AKT3: variants seen among roughly 807,000 people sequenced by gnomAD.
The protein encoded by AKT3 is RAC-gamma serine/threonine-protein kinase.
A neutral mutation model predicts 65.3 loss-of-function variants in AKT3; 15 were observed. That is an observed-to-expected ratio of 0.23 (90% CI 0.15 to 0.35). The LOEUF is 0.35. AKT3 is among the 10% of genes least tolerant of loss of function. The pLI is 1.00. For synonymous variants in AKT3, 206 were observed against 183.8 expected (o/e 1.12, Z -0.98); for missense variants, 243 against 576.5 (o/e 0.42, Z 5.92).
At chr1:243,576,579 TACA>T (rs1371005445) in intron 8 of AKT3, among the ~76,000 whole-genome samples, 17 of 152,226 alleles carry the variant, frequency 1.1e-4, no homozygotes, top group Admixed American at 3.9e-4. Flanking sequence ...AGCATTCCTA[TACA>T]ACAACAACAG....
intron 2 of AKT3, among the ~76,000 whole-genome samples, chr1:243,703,780 A>G (rs1413397722): frequency 6.7e-6 from 1 of 149,870 alleles, no homozygotes; most frequent in African/African-American, 2.4e-5. Context: ...AAAAAAAAAG[A>G]AAAAGAAAAA....
intron 8 of AKT3, among the ~76,000 whole-genome samples, chr1:243,585,854 C>T (rs1048530422): frequency 1.3e-5 from 2 of 152,008 alleles, no homozygotes; most frequent in East Asian, 1.9e-4. Flanking sequence ...ACTAAGTCCT[C>T]GATAGCAATT....
intron 8 of AKT3, among the ~76,000 whole-genome samples, chr1:243,574,040 CACAAT>C (rs1347203515): frequency 6.6e-6 from 1 of 152,054 alleles, no homozygotes; most frequent in Non-Finnish European, 1.5e-5. Flanking sequence ...TTAATAGATA[CACAAT>C]ACATGTCTGT....
chr1:243,798,406 T>TTG (rs1692174163), intron 2 of AKT3, among the ~76,000 whole-genome samples: 1 of 136,336 alleles, frequency 7.3e-6, no homozygotes, highest in African/African-American at 2.7e-5. Flanking sequence ...TTTTTTTTTT[T>TTG]TTTTTTTTTT....
intron 2 of AKT3, among the ~76,000 whole-genome samples, chr1:243,792,318 T>C (rs1351989699): frequency 6.6e-6 from 1 of 151,994 alleles, no homozygotes; most frequent in Non-Finnish European, 1.5e-5. Context: ...AACTCAAAAA[T>C]ATGTCTCCAA....
At chr1:243,792,075 T>C (rs949446113) in intron 2 of AKT3, among the ~76,000 whole-genome samples, 1 of 152,176 alleles carries the variant, frequency 6.6e-6, no homozygotes, top group Non-Finnish European at 1.5e-5. Flanking sequence ...TCAAGGACAG[T>C]CTGACTTCTT....
At chr1:243,840,939 T>C (rs1005018226) in intron 2 of AKT3, among the ~76,000 whole-genome samples, 4 of 151,844 alleles carry the variant, frequency 2.6e-5, no homozygotes, top group African/African-American at 9.7e-5. Context: ...ACTGGCATAA[T>C]GATGAGACAA....
intron 9 of AKT3, 29 bp downstream of exon 9, chr1:243,572,897 A>G: frequency 6.3e-7 from 1 of 1,587,142 alleles, no homozygotes; most frequent in Non-Finnish European, 8.5e-7. Flanking sequence ...TGCAAAAACA[A>G]ATTTTGATTA....
intron 8 of AKT3, among the ~76,000 whole-genome samples, chr1:243,575,378 A>G (rs766508020): frequency 8.5e-5 from 13 of 152,186 alleles, no homozygotes; most frequent in Admixed American, 2.0e-4. Flanking sequence ...GAGGGAATAC[A>G]GTGATAAGAC....
chr1:243,811,279 G>C (rs560205790), intron 2 of AKT3, among the ~76,000 whole-genome samples: 2 of 152,070 alleles, frequency 1.3e-5, no homozygotes, highest in African/African-American at 2.4e-5. Flanking sequence ...AAAACCCCAT[G>C]GTCTCAGCCC....
intron 2 of AKT3, among the ~76,000 whole-genome samples, chr1:243,751,439 TGTAA>T (rs1313418847): frequency 6.6e-6 from 1 of 152,270 alleles, no homozygotes; most frequent in Non-Finnish European, 1.5e-5. Flanking sequence ...CTACATTTTG[TGTAA>T]GTAATAGTTG....
At chr1:243,689,284 A>G (rs1684536106) in intron 3 of AKT3, among the ~76,000 whole-genome samples, 1 of 152,062 alleles carries the variant, frequency 6.6e-6, no homozygotes, top group Admixed American at 6.6e-5. Flanking sequence ...GTACATTTAT[A>G]TAGTATATAT....
chr1:243,495,242 C>T (rs546256718), downstream of AKT3, among the ~76,000 whole-genome samples: 10 of 152,324 alleles, frequency 6.6e-5, no homozygotes, highest in East Asian at 7.7e-4. Context: ...CTGGCCTGTG[C>T]GGGGCCGCCT....
chr1:243,735,579 AT>A (rs1020063581), intron 2 of AKT3: 2 of 152,194 alleles, frequency 1.3e-5, no homozygotes, highest in African/African-American at 4.8e-5. Context: ...ATTTTCCACC[AT>A]TTTTATTAGA....
Position 243,503,965 on chromosome 1 carries a change from C to T in AKT3, c.*1284G>A, listed in dbSNP as rs1669509289. 1 of 225,618 alleles carries T rather than the reference C, an allele frequency of 4.4e-6. No individual in the cohort carries two copies. The highest frequency in any genetic ancestry group is 8.8e-6 in the Non-Finnish European group (1 of 113,084). The allele number at this position is 225,618 out of a possible 1,614,324, so 14.0% of individuals were successfully genotyped here. ...GTCAACAGCTATTTGTTTCATTAAC[C>T]CCTTGGCATGCATAGTTGGGGATTT... On this transcript the variant is annotated 3_prime_UTR_variant, in exon 14 of 14. Coordinates refer to ENST00000673466, the MANE Select transcript of AKT3 (RefSeq NM_005465.7).
chr1:243,632,765 G>C (rs1679700521), intron 6 of AKT3, among the ~76,000 whole-genome samples: 1 of 152,172 alleles, frequency 6.6e-6, no homozygotes, highest in African/African-American at 2.4e-5. Flanking sequence ...TTCTGTGTCA[G>C]CACTTGTGGT....
At chr1:243,753,436 A>T (rs1464658433) in intron 2 of AKT3, among the ~76,000 whole-genome samples, 1 of 152,078 alleles carries the variant, frequency 6.6e-6, no homozygotes, top group East Asian at 1.9e-4. Flanking sequence ...CTCAAAATCT[A>T]GTATCTTCAA....
chr1:243,548,747 A>G (rs1238829457), intron 11 of AKT3, among the ~76,000 whole-genome samples: 1 of 152,218 alleles, frequency 6.6e-6, no homozygotes, highest in Non-Finnish European at 1.5e-5. Flanking sequence ...ACATGAGGTC[A>G]TGCTTTTCCT....
At chr1:243,489,447 G>A (rs1665842950) in intron 13 of AKT3, among the ~76,000 whole-genome samples, 1 of 152,252 alleles carries the variant, frequency 6.6e-6, no homozygotes, top group Non-Finnish European at 1.5e-5. Context: ...AGAAGCGGGA[G>A]GACGGCCGTG....
Sources: gnomAD v4.1 joint callset for allele counts (sites outside exome capture counted in the v4.1 genomes callset) on GRCh38, gnomAD v4.1.1 for gene constraint, MANE v1.5 for transcripts, NCBI Gene and HGNC (gene_info 2026-07-23, HGNC 2026-07-21) for gene names.